The following DAP3 variants were observed in gnomAD, a reference collection of about 807,000 sequenced individuals.
The protein encoded by DAP3 is death associated protein 3, also known as small ribosomal subunit protein mS29.
Under a neutral mutation model 51.9 loss-of-function variants are expected in DAP3, and 28 were observed. The ratio of observed to expected loss-of-function variants is 0.54; its 90% CI spans 0.40 to 0.74. The LOEUF (loss-of-function observed/expected upper bound fraction) is 0.74, where lower values mean the gene tolerates loss of function less well. Ranked by LOEUF, DAP3 falls within the 30% of genes least tolerant of loss-of-function variation. The probability of loss-of-function intolerance (pLI) is 0.00; values close to 1 mark genes in which losing one functional copy is unlikely to be tolerated. For missense variants in DAP3, 458 were observed against 483.5 expected, an observed-to-expected ratio of 0.95 and a Z score of 0.49; for synonymous variants, 170 against 170.3, an observed-to-expected ratio of 1.00 and a Z score of 0.01.
chr1:155,689,060 C>A (rs1412858881), upstream of DAP3: 17 of 1,528,536 alleles, frequency 1.1e-5, no homozygotes, highest in East Asian at 2.4e-5. Flanking sequence ...CGCGTTGAGT[C>A]GTTTCCTGCC....
At chr1:155,733,630 A>C (rs1659468612) in intron 11 of DAP3, among the ~76,000 whole-genome samples, 1 of 150,270 alleles carries the variant, frequency 6.7e-6, no homozygotes, top group Admixed American at 6.6e-5. Flanking sequence ...CGAGGTCAGG[A>C]GTTCAAGACC....
In DAP3 at chr1:155,723,481, A is replaced by G. The variant is rs986368657; in HGVS notation, c.270+1863A>G. Among the ~76,000 whole-genome samples the G allele has an allele frequency of 3.3e-5, 5 of 152,220 alleles. No individual in the cohort carries two copies. In the South Asian group the frequency reaches 1.0e-3, roughly 32 times the overall value. ...AGAGCTGGGATTACAGGTGCTCGCC[A>G]CCACGCCTGGCTAATTTTTATATTT... On this transcript the variant is annotated intron_variant, in intron 4 of 12. Coordinates refer to ENST00000368336, the MANE Select transcript of DAP3 (RefSeq NM_004632.4).
intron 1 of DAP3, among the ~76,000 whole-genome samples, chr1:155,690,248 C>T (rs775239041): frequency 2.1e-5 from 3 of 141,314 alleles, no homozygotes; most frequent in Non-Finnish European, 4.4e-5. Flanking sequence ...CTACTGGATC[C>T]TGTAACAGAA....
intron 1 of DAP3, 144 bp downstream of exon 1, chr1:155,689,318 C>T: frequency 1.7e-6 from 1 of 602,586 alleles, no homozygotes; most frequent in Admixed American, 2.1e-5. Flanking sequence ...CAACCTGGGA[C>T]CCGAGGAAGT....
Position 155,689,122 on chromosome 1 carries a change from C to G in DAP3, c.-60C>G. 1 of 1,086,694 alleles carries G rather than the reference C, an allele frequency of 9.2e-7. No homozygotes were observed. The highest frequency in any genetic ancestry group is 1.3e-6 in the Non-Finnish European group (1 of 742,588). The allele number at this position is 1,086,694 out of a possible 1,614,324, so 67.3% of individuals were successfully genotyped here. ...TCAGGACGGGCGCTTTGGAGCCGGCCCCAGGCAGCGTGTGTCGGTCGCCTA... is the reference window on the plus strand; with the variant it reads ...TCAGGACGGGCGCTTTGGAGCCGGCGCCAGGCAGCGTGTGTCGGTCGCCTA... On this transcript the variant is annotated 5_prime_UTR_variant, in exon 1 of 13. Coordinates refer to ENST00000368336, the MANE Select transcript of DAP3 (RefSeq NM_004632.4).
intron 11 of DAP3, among the ~76,000 whole-genome samples, chr1:155,732,650 G>A (rs1659366868): frequency 6.6e-6 from 1 of 152,078 alleles, no homozygotes; most frequent in Non-Finnish European, 1.5e-5. Flanking sequence ...TTACCTAATT[G>A]GTGGGATTTA....
rs1278063656 is a variant in DAP3 at position 155,693,537 on chromosome 1, G to A, written c.-8+4363G>A. Among the ~76,000 whole-genome samples, 7 of 142,012 alleles carry A rather than the reference G, an allele frequency of 4.9e-5. 1 individual carries two copies. Among genetic ancestry groups the A allele is most frequent in the South Asian group, 2.1e-4 (1 of 4,824 alleles). The allele number at this position is 142,012 out of a possible 152,430, so 93.2% of individuals were successfully genotyped here. ...TGTAAATAGTGTCATCTCTTTGACA[G>A]TATAGTTCCTGTTTTAGTCCTGTCT... is the stretch of plus-strand genomic sequence containing the variant. On this transcript the variant is annotated intron_variant, in intron 1 of 12. Coordinates refer to ENST00000368336, the MANE Select transcript of DAP3 (RefSeq NM_004632.4).
intron 5 of DAP3, 35 bp downstream of exon 5, chr1:155,725,525 C>A: frequency 6.4e-7 from 1 of 1,561,374 alleles, no homozygotes; most frequent in Non-Finnish European, 8.8e-7. Flanking sequence ...CCTCATGAAC[C>A]AATGCTTTCT....
chr1:155,700,321 C>G (rs1655023900), intron 1 of DAP3, among the ~76,000 whole-genome samples: 1 of 152,214 alleles, frequency 6.6e-6, no homozygotes, highest in African/African-American at 2.4e-5. Flanking sequence ...AATATTTTCT[C>G]CCATTCTGTG....
chr1:155,730,224 CATATATGT>C (rs1235661539), intron 9 of DAP3, among the ~76,000 whole-genome samples: 22 of 147,714 alleles, frequency 1.5e-4, no homozygotes, highest in African/African-American at 2.2e-4. Flanking sequence ...ATATAATATT[CATATATGT>C]ATATATGTAT....
At chr1:155,709,428 G>A (rs548712612) in intron 1 of DAP3, among the ~76,000 whole-genome samples, 17 of 152,174 alleles carry the variant, frequency 1.1e-4, no homozygotes, top group Admixed American at 9.8e-4. Context: ...CCAAAGTGTG[G>A]GGATTGTACA....
At chr1:155,711,315 A>G (rs1400908688) in intron 2 of DAP3, among the ~76,000 whole-genome samples, 1 of 152,106 alleles carries the variant, frequency 6.6e-6, no homozygotes, top group Non-Finnish European at 1.5e-5. Context: ...CAACATAGTG[A>G]AACCCCGTCT....
chr1:155,690,724 C>A (rs1213170954), intron 1 of DAP3, among the ~76,000 whole-genome samples: 2 of 141,672 alleles, frequency 1.4e-5, no homozygotes, highest in Non-Finnish European at 2.9e-5. Context: ...CTTTGCAACT[C>A]TTCTGTAAAT....
chr1:155,713,233 C>G (rs868198243), intron 2 of DAP3, among the ~76,000 whole-genome samples: 2 of 152,140 alleles, frequency 1.3e-5, no homozygotes, highest in South Asian at 2.1e-4. Flanking sequence ...ATTCATAGGT[C>G]TTTAGCCAAA....
intron 9 of DAP3, among the ~76,000 whole-genome samples, chr1:155,730,248 C>CATATATGTATATATGTATATATAT (rs1659098219): frequency 1.6e-5 from 2 of 128,328 alleles, no homozygotes; most frequent in African/African-American, 9.3e-5. Context: ...TGTATATATA[C>CATATATGTATATATGTATATATAT]GTATATATGC....
intron 1 of DAP3, among the ~76,000 whole-genome samples, chr1:155,705,131 A>C (rs1306303932): frequency 6.6e-6 from 1 of 151,084 alleles, no homozygotes. Flanking sequence ...GTCTCTACAA[A>C]ATAAAAAAGC....
At chr1:155,711,475 A>G (rs894606095) in intron 2 of DAP3, among the ~76,000 whole-genome samples, 7 of 152,122 alleles carry the variant, frequency 4.6e-5, no homozygotes, top group Admixed American at 3.9e-4. Context: ...CCTGGGCAAT[A>G]GAGCGAGACT....
chr1:155,695,692 A>G (rs1320556513), intron 1 of DAP3, among the ~76,000 whole-genome samples: 1 of 152,260 alleles, frequency 6.6e-6, no homozygotes, highest in Non-Finnish European at 1.5e-5. Context: ...CTTATACAAC[A>G]TAAGCTGAAT....
intron 1 of DAP3, among the ~76,000 whole-genome samples, chr1:155,701,990 A>G (rs1217489285): frequency 1.3e-5 from 2 of 151,332 alleles, no homozygotes; most frequent in African/African-American, 2.4e-5. Context: ...ATCAACCCAA[A>G]GAACTGCTTA....
Sources: allele counts gnomAD v4.1 joint callset (sites outside exome capture counted in the v4.1 genomes callset), GRCh38; gene constraint gnomAD v4.1.1; transcripts MANE v1.5; gene names NCBI Gene and HGNC (gene_info 2026-07-23, HGNC 2026-07-21).